Variants in ADGRV1 observed in about 807,000 individuals in gnomAD.
ADGRV1 encodes adhesion G protein-coupled receptor V1, also known as G-protein coupled receptor 98.
A neutral mutation model predicts 596.2 loss-of-function variants in ADGRV1; 359 were observed. That is an observed-to-expected ratio of 0.60 (90% confidence interval 0.55 to 0.66). The LOEUF is 0.66. Among genes scored for constraint, ADGRV1 ranks in the 30% least tolerant of loss-of-function variants. The pLI is 0.00. For synonymous variants in ADGRV1, 2,681 were observed against 2,679.2 expected, an observed-to-expected ratio of 1.00 and a Z score of -0.02; for missense variants, 7,274 against 7,575.6, an observed-to-expected ratio of 0.96 and a Z score of 1.48.
intron 83 of ADGRV1, among the ~76,000 whole-genome samples, chr5:90,876,981 A>C (rs1356123183): frequency 6.6e-6 from 1 of 152,242 alleles, no homozygotes; most frequent in Non-Finnish European, 1.5e-5. Flanking sequence ...TAAAGAAGTA[A>C]ATAGATGAAT....
intron 1 of ADGRV1, among the ~76,000 whole-genome samples, chr5:90,594,269 T>C (rs1373889022): frequency 6.6e-6 from 1 of 152,120 alleles, no homozygotes; most frequent in Non-Finnish European, 1.5e-5. Flanking sequence ...TGGGGGCAGT[T>C]ACCTCCATGC....
At chr5:91,054,777 C>A (rs1443985029) in intron 85 of ADGRV1, among the ~76,000 whole-genome samples, 3 of 152,126 alleles carry the variant, frequency 2.0e-5, no homozygotes, top group Non-Finnish European at 4.4e-5. Context: ...GTTAGGATTT[C>A]AACATGTAAA....
intron 83 of ADGRV1, among the ~76,000 whole-genome samples, chr5:90,917,091 C>T (rs1773451682): frequency 6.6e-6 from 1 of 152,122 alleles, no homozygotes; most frequent in African/African-American, 2.4e-5. Flanking sequence ...AATGAACAAA[C>T]CTTGCTGTTT....
At chr5:91,068,811 A>C (rs1037938903) in intron 85 of ADGRV1, among the ~76,000 whole-genome samples, 2 of 152,108 alleles carry the variant, frequency 1.3e-5, no homozygotes, top group African/African-American at 4.8e-5. Context: ...AAACAAAAAA[A>C]AAAAAATAGC....
At chr5:90,806,117 G>A (rs867521115) in intron 72 of ADGRV1, among the ~76,000 whole-genome samples, 1 of 152,126 alleles carries the variant, frequency 6.6e-6, no homozygotes, top group Non-Finnish European at 1.5e-5. Context: ...TCAGAAAGGA[G>A]GGAATGATTT....
intron 22 of ADGRV1, 80 bp from the exon 23 acceptor site, chr5:90,673,974 A>T: frequency 1.1e-6 from 1 of 920,956 alleles, no homozygotes; most frequent in Non-Finnish European, 1.7e-6. Context: ...AATATAATTT[A>T]GTTGCCTTTT....
At chr5:90,860,323 G>A (rs977451328) in intron 82 of ADGRV1, among the ~76,000 whole-genome samples, 1 of 150,588 alleles carries the variant, frequency 6.6e-6, no homozygotes, top group Non-Finnish European at 1.5e-5. Flanking sequence ...TTTTTGAGAC[G>A]GAGTTTCGCT....
intron 76 of ADGRV1, among the ~76,000 whole-genome samples, chr5:90,824,130 C>G (rs1038876089): frequency 6.6e-6 from 1 of 152,168 alleles, no homozygotes; most frequent in Admixed American, 6.5e-5. Context: ...TTCAGTATCA[C>G]TATAAATTCA....
Position 90,763,309 on chromosome 5 carries a change from T to G in ADGRV1, c.12125T>G (p.Met4042Arg), listed in dbSNP as rs778537428. 3 of 1,561,110 alleles carry G rather than the reference T, an allele frequency of 1.9e-6. No homozygotes were observed. Among genetic ancestry groups the G allele is most frequent in the African/African-American group, 1.4e-5 (1 of 73,770 alleles). ...GVFGFEEKTVMIDESLSSDDP... is the reference protein window; with the variant it reads ...GVFGFEEKTVRIDESLSSDDP... ...TACTGAATTTTCTTCTTTCAGGTAA[T>G]GATTGATGAATCCCTTTCATCCGAT... is the stretch of plus-strand genomic sequence containing the variant. Residue 4042 changes from methionine (M) to arginine (R), a missense_variant, in exon 59 of 90, where the codon ATG becomes AGG. By Grantham distance (91) the Met-to-Arg change is moderately conservative. Transcript: ENST00000405460.
Position 90,643,949 on chromosome 5 carries a change from G to T in ADGRV1, c.2700G>T (p.Met900Ile). 1 of 1,611,268 alleles carries T rather than the reference G, an allele frequency of 6.2e-7. No homozygotes were observed. Among genetic ancestry groups the T allele is most frequent in the Non-Finnish European group, 8.5e-7 (1 of 1,177,972 alleles). Residue 900 changes from methionine (M) to isoleucine (I), a missense_variant, in exon 14 of 90, where the codon ATG (methionine) becomes ATT (isoleucine). This residue lies in a region of ADGRV1 where 1,715 missense variants were observed against 1,708.8 expected (regional missense o/e 1.00). Transcript: ENST00000405460. ...TTGTTTCTGATGGTCTAATTGTGAT[G>T]ATAAATGAAAGCAAAGGAGATGCTA... ...IEFVSDGLIV[M>I]INESKGDAIY... is the part of the protein sequence containing the mutation.
At chr5:90,681,153 G>A (rs780169363) in intron 26 of ADGRV1, among the ~76,000 whole-genome samples, 162 bp from the exon 27 acceptor site, 4 of 152,242 alleles carry the variant, frequency 2.6e-5, no homozygotes, top group Admixed American at 6.5e-5. Context: ...GCATGAATAT[G>A]TGTGGCACCC....
At chr5:90,719,517 T>C (rs1750627796) in intron 43 of ADGRV1, among the ~76,000 whole-genome samples, 1 of 152,142 alleles carries the variant, frequency 6.6e-6, no homozygotes, top group Admixed American at 6.5e-5. Flanking sequence ...CTTTTGTGTC[T>C]GGCTTCTTTC....
At chr5:90,720,869 A>G in intron 44 of ADGRV1, 66 bp from the exon 45 acceptor site, 1 of 1,319,196 alleles carries the variant, frequency 7.6e-7, no homozygotes, top group Non-Finnish European at 1.0e-6. Flanking sequence ...TAGCAATATG[A>G]TATATATTTC....
At chr5:90,587,997 A>T (rs1271601869) in intron 1 of ADGRV1, among the ~76,000 whole-genome samples, 4 of 152,226 alleles carry the variant, frequency 2.6e-5, no homozygotes, top group African/African-American at 9.6e-5. Flanking sequence ...AATTATACTG[A>T]TATTACCACT....
chr5:90,938,543 G>A (rs961631347), intron 83 of ADGRV1, among the ~76,000 whole-genome samples: 3 of 152,178 alleles, frequency 2.0e-5, no homozygotes, highest in Non-Finnish European at 4.4e-5. Context: ...CTGTGATCTA[G>A]TCTGGATATG....
At chr5:90,811,504 A>T (rs1762437166) in intron 74 of ADGRV1, among the ~76,000 whole-genome samples, 166 bp downstream of exon 74, 1 of 152,218 alleles carries the variant, frequency 6.6e-6, no homozygotes, top group African/African-American at 2.4e-5. Flanking sequence ...ACATGAACTC[A>T]TGATGTGCTG....
intron 86 of ADGRV1, among the ~76,000 whole-genome samples, chr5:91,080,735 T>C (rs1789282232): frequency 6.6e-6 from 1 of 152,120 alleles, no homozygotes; most frequent in African/African-American, 2.4e-5. Flanking sequence ...TTCTCATATG[T>C]AATGCAGGTG....
intron 86 of ADGRV1, among the ~76,000 whole-genome samples, chr5:91,092,215 T>C (rs965128788): frequency 2.6e-5 from 4 of 152,196 alleles, no homozygotes; most frequent in Non-Finnish European, 5.9e-5. Context: ...ATTTCCTGCC[T>C]CAGCCTCCCG....
intron 83 of ADGRV1, among the ~76,000 whole-genome samples, chr5:90,883,192 C>G (rs1042720639): frequency 6.6e-6 from 1 of 152,082 alleles, no homozygotes; most frequent in South Asian, 2.1e-4. Flanking sequence ...TTCAGATGAA[C>G]CCTGACAGAT....
Sources: allele counts gnomAD v4.1 joint callset (sites outside exome capture counted in the v4.1 genomes callset), GRCh38; gene constraint gnomAD v4.1.1; regional missense constraint gnomAD v4.1.1; transcripts MANE v1.5; gene names NCBI Gene and HGNC (gene_info 2026-07-23, HGNC 2026-07-21).